Variants in CTNNA2 observed in about 807,000 individuals in gnomAD.
The protein encoded by CTNNA2 is catenin alpha-2.
A neutral mutation model predicts 101.0 loss-of-function variants in CTNNA2; 42 were observed. The ratio of observed to expected loss-of-function variants is 0.42; its 90% CI spans 0.32 to 0.54. The LOEUF is 0.54. Among genes scored for constraint, CTNNA2 ranks in the 20% least tolerant of loss-of-function variants. The probability of loss-of-function intolerance (pLI) is 0.14; values close to 1 mark genes in which losing one functional copy is unlikely to be tolerated. For missense variants in CTNNA2, 871 were observed against 1,223.1 expected, an observed-to-expected ratio of 0.71 and a Z score of 4.29; for synonymous variants, 450 against 456.4, an observed-to-expected ratio of 0.99 and a Z score of 0.18.
At chr2:80,584,432 G>T (rs1695798667) in intron 14 of CTNNA2, among the ~76,000 whole-genome samples, 1 of 149,966 alleles carries the variant, frequency 6.7e-6, no homozygotes, top group Admixed American at 6.7e-5. Flanking sequence ...GGAGATAGGG[G>T]GCGGGGGGCG....
At position 80,218,009 on chromosome 2, in the gene CTNNA2, T is replaced by C. The variant is rs114790082; in HGVS notation, c.1057-175202T>C. On this transcript the variant is annotated intron_variant, in intron 7 of 18. Coordinates refer to ENST00000402739, the MANE Select transcript of CTNNA2 (RefSeq NM_001282597.3). ...TCTCAATATGTTTGCATTTGCCTATTACCTAACTCTGAAGAATGTGTTTCT... is the reference window on the plus strand; with the variant it reads ...TCTCAATATGTTTGCATTTGCCTATCACCTAACTCTGAAGAATGTGTTTCT... 4.1e-3 allele frequency among the ~76,000 whole-genome samples: 619 copies of C among 152,370 alleles called. 1 individual carries two copies. The highest frequency in any genetic ancestry group is 0.014 in the African/African-American group (586 of 41,590).
At chr2:79,735,005 C>T (rs1281221040) in intron 2 of CTNNA2, among the ~76,000 whole-genome samples, 1 of 152,046 alleles carries the variant, frequency 6.6e-6, no homozygotes, top group African/African-American at 2.4e-5. Flanking sequence ...ACACTTTTAC[C>T]AGTGTCCATT....
intron 17 of CTNNA2, chr2:80,616,379 T>G (rs1212044759): frequency 6.6e-6 from 1 of 151,714 alleles, no homozygotes; most frequent in Non-Finnish European, 1.5e-5. Context: ...TTCTCTTCAA[T>G]TATAACATTT....
intron 7 of CTNNA2, among the ~76,000 whole-genome samples, chr2:80,370,090 G>A (rs1450655272): frequency 1.3e-5 from 2 of 152,160 alleles, no homozygotes; most frequent in Middle Eastern, 3.2e-3. Context: ...CAAGTAGCAA[G>A]TATCATGAAT....
intron 1 of CTNNA2, among the ~76,000 whole-genome samples, chr2:79,623,430 T>A (rs1679113914): frequency 6.6e-6 from 1 of 152,182 alleles, no homozygotes; most frequent in Admixed American, 6.5e-5. Context: ...CTATTTGTGA[T>A]CTAGACTCTT....
At chr2:80,422,403 A>G (rs1680609411) in intron 9 of CTNNA2, among the ~76,000 whole-genome samples, 1 of 151,038 alleles carries the variant, frequency 6.6e-6, no homozygotes, top group East Asian at 2.0e-4. Context: ...GCCAAACCAT[A>G]TAAGTGTATT....
intron 2 of CTNNA2, among the ~76,000 whole-genome samples, chr2:79,711,791 G>A (rs1285244680): frequency 1.3e-5 from 2 of 152,062 alleles, no homozygotes; most frequent in Non-Finnish European, 2.9e-5. Context: ...CTGTTGTGGG[G>A]AGCAGCTACA....
intron 9 of CTNNA2, among the ~76,000 whole-genome samples, chr2:80,458,169 A>ATT (rs149897703): frequency 6.6e-6 from 1 of 151,622 alleles, no homozygotes; most frequent in Non-Finnish European, 1.5e-5. Context: ...TAAACCTTCG[A>ATT]TTTTTTTTTA....
At chr2:79,983,493 G>A (rs1691537574) in intron 7 of CTNNA2, among the ~76,000 whole-genome samples, 1 of 152,144 alleles carries the variant, frequency 6.6e-6, no homozygotes, top group African/African-American at 2.4e-5. Flanking sequence ...TTCTCTAAGA[G>A]AACTTGGTAA....
rs557508292 is a variant in CTNNA2, at chr2:80,106,601, G to A, written c.1056+196804G>A. Among the ~76,000 whole-genome samples, 20 of 152,178 alleles carry A rather than the reference G, an allele frequency of 1.3e-4. No homozygotes were observed. The South Asian group carries it at 1.7e-3, about 13-fold the overall frequency. The stretch of plus-strand genomic sequence containing the variant: ...TCTTTCCTAGTCTCTTACTATCCTC[G>A]TTCTCTGTAAGAGGTGGCCCCCAGA... On this transcript the variant is annotated intron_variant, in intron 7 of 18. Coordinates refer to ENST00000402739, the MANE Select transcript of CTNNA2 (RefSeq NM_001282597.3).
intron 7 of CTNNA2, among the ~76,000 whole-genome samples, chr2:79,979,545 C>T (rs955458714): frequency 6.6e-6 from 1 of 151,956 alleles, no homozygotes; most frequent in African/African-American, 2.4e-5. Context: ...TGTTTAGCTC[C>T]CCTAGTCCCT....
At chr2:80,451,861 A>AT (rs1201589096) in intron 9 of CTNNA2, among the ~76,000 whole-genome samples, 3 of 151,910 alleles carry the variant, frequency 2.0e-5, no homozygotes, top group African/African-American at 7.3e-5. Flanking sequence ...TCCAACATTT[A>AT]TTTTTTATCG....
rs1491322056 is a variant in CTNNA2 at position 79,218,352 on chromosome 2, T to TA, written c.-406+20276_-406+20277insA. The stretch of plus-strand genomic sequence containing the variant: ...GTGTGTGTGTGTGTGTGTGTGTGTA[T>TA]TTTTTTTTTTTTTAGAGACAGGATC... On this transcript the variant is annotated intron_variant, in intron 2 of 21. Transcript: ENST00000466387. Among the ~76,000 whole-genome samples, 451 of 82,596 alleles carry TA rather than the reference T, an allele frequency of 5.5e-3. 2 individuals carry two copies. The highest frequency in any genetic ancestry group is 0.019 in the African/African-American group (339 of 17,786). 54.2% of individuals were successfully genotyped at this position (82,596 alleles called of 152,430 possible).
intron 3 of CTNNA2, among the ~76,000 whole-genome samples, chr2:79,797,703 C>T (rs1321105857): frequency 6.7e-6 from 1 of 148,620 alleles, no homozygotes; most frequent in African/African-American, 2.5e-5. Context: ...AGAAAAATTG[C>T]CCCTGTTGTG....
At chr2:79,689,932 A>G (rs1684178996) in intron 2 of CTNNA2, among the ~76,000 whole-genome samples, 1 of 152,056 alleles carries the variant, frequency 6.6e-6, no homozygotes, top group South Asian at 2.1e-4. Flanking sequence ...AGACAAAATG[A>G]TGAAAATCCA....
At chr2:80,300,067 T>C (rs140924218) in intron 7 of CTNNA2, among the ~76,000 whole-genome samples, 2,536 of 152,304 alleles carry the variant, frequency 0.017, 36 homozygotes, top group Non-Finnish European at 0.025. Context: ...ACCCCTGCTC[T>C]TGGAGTGGTA....
At position 79,326,903 on chromosome 2, in the gene CTNNA2, A is replaced by G. The variant is rs556817568; in HGVS notation, c.-318+14107A>G. Among the ~76,000 whole-genome samples the G allele has an allele frequency of 6.1e-4, 93 of 152,326 alleles. 1 individual carries two copies. The highest frequency in any genetic ancestry group is 1.1e-3 in the Non-Finnish European group (78 of 68,032). ...TAATCAATTGAGGGGTCTCCTAACC[A>G]CATAGTGGGGAGGCTGGTCTCCTAG... On this transcript the variant is annotated intron_variant, in intron 3 of 21. Transcript: ENST00000466387.
chr2:80,524,941 G>C (rs1689899530), intron 9 of CTNNA2, among the ~76,000 whole-genome samples: 1 of 151,964 alleles, frequency 6.6e-6, no homozygotes, highest in Non-Finnish European at 1.5e-5. Context: ...ATACTTTTAA[G>C]TTTTTATTTA....
intron 4 of CTNNA2, among the ~76,000 whole-genome samples, chr2:79,484,326 C>G (rs527298111): frequency 1.3e-5 from 2 of 152,016 alleles, no homozygotes; most frequent in Admixed American, 1.3e-4. Flanking sequence ...GCTGATATAG[C>G]TTTCATGAGC....
Sources: allele counts gnomAD v4.1 joint callset (sites outside exome capture counted in the v4.1 genomes callset), GRCh38; gene constraint gnomAD v4.1.1; transcripts MANE v1.5; gene names NCBI Gene and HGNC (gene_info 2026-07-23, HGNC 2026-07-21).